PDZD2: variants seen among roughly 807,000 people sequenced by gnomAD.
The protein encoded by PDZD2 is PDZ domain containing 2, also known as PDZ domain-containing protein 2.
In PDZD2, 90 loss-of-function variants were observed where a neutral mutation model predicts 220.7. The ratio of observed to expected loss-of-function variants is 0.41; its 90% CI spans 0.34 to 0.49. The LOEUF is 0.49. PDZD2 is among the 20% of genes least tolerant of loss of function. PDZD2 has a pLI of 0.28. For missense variants in PDZD2, 3,174 were observed against 3,608.5 expected, an observed-to-expected ratio of 0.88 and a Z score of 3.08; for synonymous variants, 1,375 against 1,450.5, an observed-to-expected ratio of 0.95 and a Z score of 1.18.
chr5:31,673,240 C>T (rs1362137408), intron 1 of PDZD2, among the ~76,000 whole-genome samples: 1 of 152,192 alleles, frequency 6.6e-6, no homozygotes, highest in Non-Finnish European at 1.5e-5. Flanking sequence ...TGAGGACAGG[C>T]CCGCCCTGCA....
At chr5:31,748,714 G>A (rs1179306135) in intron 1 of PDZD2, among the ~76,000 whole-genome samples, 2 of 152,234 alleles carry the variant, frequency 1.3e-5, no homozygotes, top group African/African-American at 4.8e-5. Flanking sequence ...CTGCTTGTCA[G>A]CAGCTCTGAT....
chr5:31,759,797 G>A (rs556655353), intron 1 of PDZD2, among the ~76,000 whole-genome samples: 57 of 152,044 alleles, frequency 3.7e-4, no homozygotes, highest in Non-Finnish European at 6.9e-4. Flanking sequence ...CTCTCACCTC[G>A]GCCTCCCAAA....
At chr5:31,678,072 G>T (rs1746508716) in intron 1 of PDZD2, among the ~76,000 whole-genome samples, 2 of 152,190 alleles carry the variant, frequency 1.3e-5, no homozygotes, top group Non-Finnish European at 2.9e-5. Context: ...TTTATTACAT[G>T]TCAATTATAC....
At chr5:32,105,224 G>C (rs932102822) in intron 24 of PDZD2, among the ~76,000 whole-genome samples, 1 of 152,030 alleles carries the variant, frequency 6.6e-6, no homozygotes, top group African/African-American at 2.4e-5. Context: ...AGAAAGTTTG[G>C]GTAAAGAAAG....
intron 1 of PDZD2, among the ~76,000 whole-genome samples, chr5:31,685,762 A>C (rs1746830120): frequency 6.6e-6 from 1 of 152,150 alleles, no homozygotes; most frequent in Non-Finnish European, 1.5e-5. Flanking sequence ...GGGATCAAGC[A>C]ATCCACCTGC....
In PDZD2 at chr5:31,994,017, G is replaced by GT. The variant is rs569300692; in HGVS notation, c.979-1551dup. Among the ~76,000 whole-genome samples, 116 of 151,658 alleles carry GT rather than the reference G, an allele frequency of 7.6e-4. 1 individual carries two copies. The highest frequency in any genetic ancestry group is 2.5e-3 in the African/African-American group (105 of 41,328). ...GTTTATTTATTTATTTATTGTTTTT[G>GT]TTTTTTTTGTTTGTTGGGGGGATGG... is the stretch of plus-strand genomic sequence containing the variant. On this transcript the variant is annotated intron_variant, in intron 3 of 24. Coordinates refer to ENST00000438447, the MANE Select transcript of PDZD2 (RefSeq NM_178140.4).
chr5:32,008,780 T>C (rs1561334634), intron 5 of PDZD2, among the ~76,000 whole-genome samples: 1 of 152,100 alleles, frequency 6.6e-6, no homozygotes, highest in Admixed American at 6.6e-5. Flanking sequence ...AAAGCAGTAG[T>C]CAAAGACTTT....
At chr5:31,793,847 G>A (rs773614301) in intron 1 of PDZD2, among the ~76,000 whole-genome samples, 3 of 151,928 alleles carry the variant, frequency 2.0e-5, no homozygotes, top group African/African-American at 7.2e-5. Context: ...TGAAGGAAAC[G>A]GGAGGTCTGG....
chr5:31,954,579 C>T (rs751270027), intron 2 of PDZD2, among the ~76,000 whole-genome samples: 14 of 152,046 alleles, frequency 9.2e-5, no homozygotes, highest in Non-Finnish European at 1.2e-4. Context: ...TACAAAAGTA[C>T]CATGAACCCT....
intron 2 of PDZD2, among the ~76,000 whole-genome samples, chr5:31,978,794 T>C (rs925613033): frequency 2.6e-5 from 4 of 152,018 alleles, no homozygotes; most frequent in Non-Finnish European, 5.9e-5. Context: ...CGTAATTCAT[T>C]CATTGCCCTT....
chr5:31,989,424 T>TTTTTTTTTTTTTTTATTTATTTATTTA (rs1751018076), intron 3 of PDZD2, among the ~76,000 whole-genome samples: 1 of 136,690 alleles, frequency 7.3e-6, no homozygotes, highest in East Asian at 2.6e-4. Context: ...TTCTTTTCTT[T>TTTTTTTTTTTTTTTATTTATTTATTTA]TTTTTTTTTT....
chr5:31,784,005 G>A (rs571282347), intron 1 of PDZD2, among the ~76,000 whole-genome samples: 57 of 152,244 alleles, frequency 3.7e-4, no homozygotes, highest in African/African-American at 1.1e-3. Context: ...GCACTGGGAC[G>A]CTGCCACAGG....
chr5:31,772,968 C>T (rs1035028755), intron 1 of PDZD2, among the ~76,000 whole-genome samples: 3 of 152,282 alleles, frequency 2.0e-5, no homozygotes, highest in African/African-American at 7.2e-5. Flanking sequence ...CAGAAAGCCC[C>T]TCCTGTCCCG....
chr5:31,734,941 C>T (rs1287882995), intron 1 of PDZD2, among the ~76,000 whole-genome samples: 3 of 152,158 alleles, frequency 2.0e-5, no homozygotes, highest in African/African-American at 7.2e-5. Context: ...CACAATTCCT[C>T]GAGGATTTTT....
intron 2 of PDZD2, among the ~76,000 whole-genome samples, chr5:31,856,078 T>C (rs1273058649): frequency 6.6e-6 from 1 of 152,206 alleles, no homozygotes; most frequent in African/African-American, 2.4e-5. Context: ...AATATAGACA[T>C]ATCTTTAAAT....
chr5:31,674,355 T>TA (rs1431192742), intron 1 of PDZD2, among the ~76,000 whole-genome samples: 1 of 152,200 alleles, frequency 6.6e-6, no homozygotes. Flanking sequence ...ATGCTACACT[T>TA]ATGGCCTTTC....
At chr5:31,913,942 C>A (rs1280542839) in intron 2 of PDZD2, among the ~76,000 whole-genome samples, 1 of 100,402 alleles carries the variant, frequency 1.0e-5, no homozygotes, top group Non-Finnish European at 2.4e-5. Context: ...CAACCTCTCC[C>A]CTACCCCCAG....
At chr5:31,665,648 C>CT (rs1554060797) in intron 1 of PDZD2, among the ~76,000 whole-genome samples, 1 of 115,168 alleles carries the variant, frequency 8.7e-6, no homozygotes, top group Non-Finnish European at 1.8e-5. Flanking sequence ...TCCCCCTCCC[C>CT]CCCCTCCCTT....
chr5:31,778,463 A>G (rs1752848329), intron 1 of PDZD2, among the ~76,000 whole-genome samples: 1 of 151,940 alleles, frequency 6.6e-6, no homozygotes, highest in Admixed American at 6.6e-5. Flanking sequence ...GAGGCCAGCG[A>G]GACCAGGAAC....
Sources: allele counts gnomAD v4.1 joint callset (sites outside exome capture counted in the v4.1 genomes callset), GRCh38; gene constraint gnomAD v4.1.1; transcripts MANE v1.5; gene names NCBI Gene and HGNC (gene_info 2026-07-23, HGNC 2026-07-21).